Variants in NRXN1 observed in about 807,000 individuals in gnomAD.
The protein encoded by NRXN1 is neurexin 1, also known as neurexin-1.
In NRXN1, 39 loss-of-function variants were observed where a neutral mutation model predicts 150.9. The observed-to-expected ratio is 0.26, with a 90% CI of 0.20 to 0.34. The LOEUF (loss-of-function observed/expected upper bound fraction) is 0.34, where lower values mean the gene tolerates loss of function less well. Among genes scored for constraint, NRXN1 ranks in the 10% least tolerant of loss-of-function variants. The probability of loss-of-function intolerance (pLI) is 1.00; values close to 1 mark genes in which losing one functional copy is unlikely to be tolerated. For missense variants in NRXN1, 1,815 were observed against 1,949.9 expected, an observed-to-expected ratio of 0.93 and a Z score of 1.30; for synonymous variants, 924 against 757.0, an observed-to-expected ratio of 1.22 and a Z score of -3.62.
intron 21 of NRXN1, among the ~76,000 whole-genome samples, chr2:49,954,245 C>T (rs1674520845): frequency 6.6e-6 from 1 of 152,018 alleles, no homozygotes; most frequent in African/African-American, 2.4e-5. Context: ...TCCTATTATG[C>T]CAGCATTGAA....
rs369085644 is a variant in NRXN1, at chr2:50,475,110, G to C, written c.3071-2639C>G. 2.6e-5 allele frequency among the ~76,000 whole-genome samples: 4 copies of C among 152,170 alleles called. No individual in the cohort carries two copies. The East Asian group carries it at 5.8e-4, about 22-fold the overall frequency. ...TCCTTTCATTTGTTGAACAAAATTT[G>C]TTAGAAAATTTCAGCTCTCCTCCAG... On this transcript the variant is annotated intron_variant, in intron 15 of 22. Transcript: ENST00000401669.
intron 5 of NRXN1, among the ~76,000 whole-genome samples, chr2:50,810,209 T>C (rs1350784781): frequency 6.6e-6 from 1 of 152,190 alleles, no homozygotes; most frequent in Non-Finnish European, 1.5e-5. Flanking sequence ...ATTTCTTTAA[T>C]ATGGTAAAGG....
chr2:50,298,878 C>G (rs2073886162), intron 17 of NRXN1, among the ~76,000 whole-genome samples: 1 of 152,136 alleles, frequency 6.6e-6, no homozygotes, highest in Non-Finnish European at 1.5e-5. Context: ...TCAAGTCACT[C>G]AAACTCTCCT....
At chr2:50,389,375 T>G (rs1303950007) in intron 17 of NRXN1, among the ~76,000 whole-genome samples, 1 of 150,898 alleles carries the variant, frequency 6.6e-6, no homozygotes, top group Non-Finnish European at 1.5e-5. Flanking sequence ...GAAAGAAAGT[T>G]AGACAATAAG....
At chr2:50,684,564 T>C (rs1447350338) in intron 5 of NRXN1, among the ~76,000 whole-genome samples, 1 of 152,076 alleles carries the variant, frequency 6.6e-6, no homozygotes, top group Non-Finnish European at 1.5e-5. Flanking sequence ...TGAAGAAATA[T>C]GTAATAATGG....
chr2:50,392,551 A>C (rs1327130074), intron 17 of NRXN1, among the ~76,000 whole-genome samples: 1 of 152,168 alleles, frequency 6.6e-6, no homozygotes, highest in Non-Finnish European at 1.5e-5. Flanking sequence ...AATATCATAA[A>C]TCAGTTCTAA....
At chr2:50,898,298 T>C (rs1682340425) in intron 5 of NRXN1, among the ~76,000 whole-genome samples, 1 of 152,146 alleles carries the variant, frequency 6.6e-6, no homozygotes, top group African/African-American at 2.4e-5. Context: ...TCCAACACTT[T>C]CTTACTGCTT....
At chr2:50,829,811 G>A in intron 5 of NRXN1, 1 of 1,442,294 alleles carries the variant, frequency 6.9e-7, no homozygotes, top group Non-Finnish European at 9.3e-7. Context: ...TTAACTTTTG[G>A]TAACATAATA....
rs1700254161 is a variant in NRXN1 at position 51,002,945 on chromosome 2, T to A, written c.772+24557A>T. On this transcript the variant is annotated intron_variant, in intron 2 of 22. Coordinates refer to ENST00000401669, the MANE Select transcript of NRXN1 (RefSeq NM_001330078.2). ...AAACATTTTCAAAGGTATTTTCATT[T>A]CTTCATATATTCTTCCTGAGCTTAT... Among the ~76,000 whole-genome samples, 4 of 152,108 alleles carry A rather than the reference T, an allele frequency of 2.6e-5. No individual in the cohort carries two copies. In the South Asian group the frequency reaches 8.3e-4, roughly 31 times the overall value.
At chr2:50,098,830 G>GTTTTTTTTTTTTTTTTTTTTTTTTTTTTT (rs746736925) in intron 18 of NRXN1, among the ~76,000 whole-genome samples, 5 of 105,542 alleles carry the variant, frequency 4.7e-5, no homozygotes, top group South Asian at 3.4e-4. Context: ...TTTGGTTTTA[G>GTTTTTTTTTTTTTTTTTTTTTTTTTTTTT]TTTTTTTTTT....
At chr2:50,709,196 G>A (rs1302455120) in intron 5 of NRXN1, among the ~76,000 whole-genome samples, 2 of 152,094 alleles carry the variant, frequency 1.3e-5, no homozygotes, top group Non-Finnish European at 2.9e-5. Flanking sequence ...TGGATGGCAC[G>A]TGATATTTGC....
intron 17 of NRXN1, among the ~76,000 whole-genome samples, chr2:50,305,013 G>T (rs987876479): frequency 6.6e-6 from 1 of 152,138 alleles, no homozygotes; most frequent in African/African-American, 2.4e-5. Context: ...TTGCTTGAAC[G>T]TGGGAGGCAG....
chr2:50,267,611 G>T (rs971538912), intron 17 of NRXN1, among the ~76,000 whole-genome samples: 1 of 151,946 alleles, frequency 6.6e-6, no homozygotes, highest in African/African-American at 2.4e-5. Context: ...ACATTGTCAC[G>T]ATCTGACATT....
intron 18 of NRXN1, among the ~76,000 whole-genome samples, chr2:50,134,447 T>C (rs1209795841): frequency 6.6e-6 from 1 of 152,110 alleles, no homozygotes; most frequent in Non-Finnish European, 1.5e-5. Flanking sequence ...TGGCATGCAA[T>C]GGGTCCCGAG....
chr2:50,335,681 G>A (rs937535556), intron 17 of NRXN1, among the ~76,000 whole-genome samples: 2 of 152,240 alleles, frequency 1.3e-5, no homozygotes, highest in Non-Finnish European at 2.9e-5. Flanking sequence ...TGGACAAAGG[G>A]GATACAAATT....
chr2:50,638,955 C>A (rs1683638330), intron 5 of NRXN1, among the ~76,000 whole-genome samples: 1 of 152,050 alleles, frequency 6.6e-6, no homozygotes, highest in African/African-American at 2.4e-5. Flanking sequence ...ATACACTCTT[C>A]TACTTGTGAT....
At chr2:50,499,115 T>C (rs1318398619) in intron 13 of NRXN1, among the ~76,000 whole-genome samples, 2 of 152,208 alleles carry the variant, frequency 1.3e-5, no homozygotes, top group African/African-American at 2.4e-5. Flanking sequence ...GAAATATCTG[T>C]AAGTAAAATT....
At chr2:50,190,711 C>T (rs1454506384) in intron 18 of NRXN1, among the ~76,000 whole-genome samples, 3 of 149,424 alleles carry the variant, frequency 2.0e-5, no homozygotes, top group Admixed American at 6.8e-5. Flanking sequence ...CTCCCAAGTT[C>T]AAGCGATTCT....
At chr2:50,925,801 A>G (rs1686775604) in intron 3 of NRXN1, 137 bp downstream of exon 3, 1 of 693,660 alleles carries the variant, frequency 1.4e-6, no homozygotes, top group African/African-American at 1.8e-5. Context: ...TTCTGTATGA[A>G]AAGTGATACA....
Sources: gnomAD v4.1 joint callset for allele counts (sites outside exome capture counted in the v4.1 genomes callset) on GRCh38, gnomAD v4.1.1 for gene constraint, MANE v1.5 for transcripts, NCBI Gene and HGNC (gene_info 2026-07-23, HGNC 2026-07-21) for gene names.